Variants in RALYL observed in about 807,000 individuals in gnomAD.
The protein encoded by RALYL is RNA-binding Raly-like protein.
RALYL carries 29 observed loss-of-function variants against 35.1 expected under a neutral mutation model. That is an observed-to-expected ratio of 0.83 (90% CI 0.61 to 1.13). The LOEUF (loss-of-function observed/expected upper bound fraction) is 1.13. RALYL is among the 50% of genes most tolerant of loss of function. The pLI is 0.00. For missense variants in RALYL, 359 were observed against 360.4 expected, an observed-to-expected ratio of 1.00 and a Z score of 0.03; for synonymous variants, 120 against 127.6, an observed-to-expected ratio of 0.94 and a Z score of 0.40.
intron 1 of RALYL, among the ~76,000 whole-genome samples, chr8:84,239,294 A>G (rs939180543): frequency 1.3e-5 from 2 of 152,228 alleles, no homozygotes; most frequent in African/African-American, 4.8e-5. Context: ...AACTTGATAA[A>G]TATAATTGAG....
At chr8:84,564,145 A>T (rs898050502) in intron 2 of RALYL, among the ~76,000 whole-genome samples, 1 of 151,858 alleles carries the variant, frequency 6.6e-6, no homozygotes, top group Non-Finnish European at 1.5e-5. Flanking sequence ...ATATCATTAT[A>T]CTTAATTTTA....
chr8:84,808,323 G>T (rs1340661719), intron 4 of RALYL, among the ~76,000 whole-genome samples: 1 of 152,010 alleles, frequency 6.6e-6, no homozygotes, highest in Admixed American at 6.6e-5. Context: ...TAAGTATTTG[G>T]GTTTATTTCT....
intron 1 of RALYL, among the ~76,000 whole-genome samples, chr8:84,337,653 G>C (rs1346496268): frequency 6.6e-6 from 1 of 152,048 alleles, no homozygotes; most frequent in African/African-American, 2.4e-5. Flanking sequence ...TGAGCAGCTG[G>C]TAATTGTGAA....
chr8:84,727,104 A>ACCT (rs2132738154), intron 2 of RALYL, among the ~76,000 whole-genome samples: 1 of 152,228 alleles, frequency 6.6e-6, no homozygotes, highest in Non-Finnish European at 1.5e-5. Flanking sequence ...TTCCCCTTGG[A>ACCT]AGGCTCTACT....
intron 1 of RALYL, among the ~76,000 whole-genome samples, chr8:84,296,957 T>C (rs372383986): frequency 1.3e-5 from 2 of 151,834 alleles, no homozygotes; most frequent in African/African-American, 4.8e-5. Context: ...TTAAATTCTA[T>C]ATGTGACAGA....
At chr8:84,849,894 A>G (rs1284477664) in intron 4 of RALYL, 86 bp from the exon 5 acceptor site, 1 of 710,340 alleles carries the variant, frequency 1.4e-6, no homozygotes, top group Non-Finnish European at 2.3e-6. Context: ...AAAAGTAACA[A>G]ATTTTATGCT....
At chr8:84,692,607 G>A (rs1398739102) in intron 2 of RALYL, among the ~76,000 whole-genome samples, 2 of 151,946 alleles carry the variant, frequency 1.3e-5, no homozygotes, top group Non-Finnish European at 2.9e-5. Flanking sequence ...TGTAGATTTA[G>A]TGAAATATCT....
intron 1 of RALYL, among the ~76,000 whole-genome samples, chr8:84,297,068 A>T (rs879516979): frequency 1.1e-4 from 16 of 151,776 alleles, no homozygotes; most frequent in Non-Finnish European, 1.8e-4. Flanking sequence ...AAAAAAAAAA[A>T]TTTAGGGTCA....
chr8:84,547,536 C>T (rs368912766), intron 2 of RALYL, among the ~76,000 whole-genome samples: 13 of 151,890 alleles, frequency 8.6e-5, no homozygotes, highest in East Asian at 3.9e-4. Context: ...CCTGCTACCA[C>T]GCCCGTCTAA....
intron 2 of RALYL, among the ~76,000 whole-genome samples, chr8:84,602,319 G>A (rs1448772003): frequency 6.6e-6 from 1 of 152,076 alleles, no homozygotes; most frequent in Non-Finnish European, 1.5e-5. Flanking sequence ...GACTTCTCTA[G>A]ATTGTCTTTT....
intron 1 of RALYL, among the ~76,000 whole-genome samples, chr8:84,338,284 A>AGAC (rs746997917): frequency 1.9e-4 from 29 of 152,028 alleles, no homozygotes; most frequent in Non-Finnish European, 3.5e-4. Context: ...ACCATAGTGC[A>AGAC]GACTCCTGTT....
At chr8:84,694,931 G>A (rs1320514026) in intron 2 of RALYL, among the ~76,000 whole-genome samples, 1 of 151,598 alleles carries the variant, frequency 6.6e-6, no homozygotes, top group African/African-American at 2.4e-5. Context: ...CACTTTTTAT[G>A]TATTAACTCA....
At chr8:84,372,893 T>TTTTG (rs1856118739) in intron 1 of RALYL, among the ~76,000 whole-genome samples, 2 of 122,636 alleles carry the variant, frequency 1.6e-5, no homozygotes, top group African/African-American at 3.3e-5. Flanking sequence ...TCTGTTTTTT[T>TTTTG]TTTTTTTTTT....
intron 4 of RALYL, among the ~76,000 whole-genome samples, chr8:84,847,973 C>A (rs190447769): frequency 1.3e-5 from 2 of 152,246 alleles, no homozygotes; most frequent in African/African-American, 2.4e-5. Context: ...TAAATCTATC[C>A]TTAAAGCCAA....
chr8:84,515,679 T>C (rs976507792), intron 1 of RALYL, among the ~76,000 whole-genome samples: 1 of 152,150 alleles, frequency 6.6e-6, no homozygotes, highest in Non-Finnish European at 1.5e-5. Flanking sequence ...GGACAGTGAT[T>C]ACCATCTTTG....
intron 2 of RALYL, among the ~76,000 whole-genome samples, chr8:84,553,231 A>G (rs1301787237): frequency 6.6e-6 from 1 of 152,166 alleles, no homozygotes; most frequent in African/African-American, 2.4e-5. Context: ...GCACAATCAT[A>G]GCTCACTGTA....
At chr8:84,704,609 G>A (rs762256995) in intron 2 of RALYL, among the ~76,000 whole-genome samples, 13 of 152,218 alleles carry the variant, frequency 8.5e-5, no homozygotes, top group South Asian at 6.2e-4. Flanking sequence ...GTTCTAATAG[G>A]AAGAGAAAGA....
intron 8 of RALYL, among the ~76,000 whole-genome samples, chr8:84,893,946 C>T (rs982218238): frequency 3.9e-5 from 6 of 152,158 alleles, no homozygotes; most frequent in African/African-American, 9.7e-5. Context: ...CTGAGTACTA[C>T]GTTGTAATAC....
intron 1 of RALYL, among the ~76,000 whole-genome samples, chr8:84,278,637 C>T (rs560452252): frequency 4.0e-4 from 61 of 152,316 alleles, no homozygotes; most frequent in Non-Finnish European, 6.9e-4. Context: ...TCGTCTCTCT[C>T]AAGTTCAAAG....
Sources: gnomAD v4.1 joint callset for allele counts (sites outside exome capture counted in the v4.1 genomes callset) on GRCh38, gnomAD v4.1.1 for gene constraint, MANE v1.5 for transcripts, NCBI Gene and HGNC (gene_info 2026-07-23, HGNC 2026-07-21) for gene names.